PDPK1: variants seen among roughly 807,000 people sequenced by gnomAD.
PDPK1 encodes 3-phosphoinositide-dependent protein kinase 1.
PDPK1 carries 7 observed loss-of-function variants against 39.8 expected under a neutral mutation model. That is an observed-to-expected ratio of 0.18 (90% CI 0.10 to 0.33). The LOEUF (loss-of-function observed/expected upper bound fraction) is 0.33. Ranked by LOEUF, PDPK1 falls within the 10% of genes least tolerant of loss-of-function variation. The pLI is 1.00. For synonymous variants in PDPK1, 118 were observed against 159.1 expected (o/e 0.74, Z 1.95); for missense variants, 182 against 384.7 (o/e 0.47, Z 4.41).
chr16:2,546,626 G>A (rs536546144), intron 1 of PDPK1, among the ~76,000 whole-genome samples: 8 of 152,316 alleles, frequency 5.3e-5, no homozygotes, highest in African/African-American at 1.7e-4. Context: ...CACCGTGCCC[G>A]GCCTTCCTTA....
chr16:2,595,470 A>G (rs1487458968), intron 11 of PDPK1, among the ~76,000 whole-genome samples: 2 of 152,206 alleles, frequency 1.3e-5, no homozygotes, highest in East Asian at 1.9e-4. Flanking sequence ...TAAGGCAGCA[A>G]TGACCTGTGT....
At chr16:2,551,622 A>C (rs2066410200) in intron 1 of PDPK1, among the ~76,000 whole-genome samples, 1 of 150,180 alleles carries the variant, frequency 6.7e-6, no homozygotes, top group Admixed American at 6.8e-5. Flanking sequence ...CATCTGCGTG[A>C]CAGCATCTTG....
At chr16:2,538,807 C>T (rs772446632) in intron 1 of PDPK1, 3 of 1,248,870 alleles carry the variant, frequency 2.4e-6, no homozygotes, top group South Asian at 2.6e-5. Flanking sequence ...CAAAACAAAC[C>T]ACTTGTTGGG....
At chr16:2,539,398 G>C (rs1324334551) in intron 1 of PDPK1, 1 of 152,254 alleles carries the variant, frequency 6.6e-6, no homozygotes, top group Non-Finnish European at 1.5e-5. Context: ...TTTTTGATAG[G>C]CGTTCTTGAT....
At chr16:2,592,398 T>C (rs944411464) in intron 11 of PDPK1, 1 of 275,300 alleles carries the variant, frequency 3.6e-6, no homozygotes, top group Non-Finnish European at 7.1e-6. Context: ...TCTTCAGCTC[T>C]TGCCCAGCCT....
At position 2,585,805 on chromosome 16, in the gene PDPK1, C is replaced by T. The variant is rs114250266; in HGVS notation, c.1126-871C>T. 3.9e-3 allele frequency among the ~76,000 whole-genome samples: 599 copies of T among 152,324 alleles called. 1 individual carries two copies. The highest frequency in any genetic ancestry group is 0.014 in the African/African-American group (570 of 41,578). On this transcript the variant is annotated intron_variant, in intron 10 of 13. Coordinates refer to ENST00000342085, the MANE Select transcript of PDPK1 (RefSeq NM_002613.5). Reference sequence around the variant, plus strand: ...TGTAGGAGTGTGAACACATGGGGGACGCTGCATGTGTGGATGGTTGCGTGG... The same window carrying T: ...TGTAGGAGTGTGAACACATGGGGGATGCTGCATGTGTGGATGGTTGCGTGG...
chr16:2,538,465 C>T (rs1443707513), intron 1 of PDPK1: 13 of 464,002 alleles, frequency 2.8e-5, no homozygotes, highest in Admixed American at 2.7e-4. Context: ...CAGCCTGGAG[C>T]CGAGCCTCCA....
intron 1 of PDPK1, among the ~76,000 whole-genome samples, chr16:2,553,324 G>A (rs1304672761): frequency 2.9e-5 from 4 of 139,458 alleles, no homozygotes; most frequent in Non-Finnish European, 4.6e-5. Flanking sequence ...GCACACCACC[G>A]TGCCTGGCTC....
At position 2,600,343 on chromosome 16, in the gene PDPK1, T is replaced by C. The variant is rs969941323; in HGVS notation, c.*2576T>C. On this transcript the variant is annotated 3_prime_UTR_variant, in exon 14 of 14. Transcript: ENST00000342085. Reference sequence around the variant, plus strand: ...GACAGGTGGAATGTCGGGACCACACTGTGCGGCTTCTCGGCACAAAGCGGA... The same window carrying C: ...GACAGGTGGAATGTCGGGACCACACCGTGCGGCTTCTCGGCACAAAGCGGA... The C allele has an allele frequency of 4.3e-6, 1 of 233,154 alleles. No homozygotes were observed. Among genetic ancestry groups the C allele is most frequent in the African/African-American group, 2.2e-5 (1 of 45,270 alleles). The allele number at this position is 233,154 out of a possible 1,614,324, so 14.4% of individuals were successfully genotyped here. A position where few individuals can be genotyped will look rare whatever the true frequency, so the allele number is the denominator to read the frequency against.
chr16:2,586,780 C>T lies in PDPK1; in HGVS notation c.1230C>T (p.Ser410=), dbSNP rs747123753. The change falls in exon 11 of 14, where the codon AGC becomes AGT. Residue 410 remains serine (S), a synonymous_variant. Transcript: ENST00000342085. ...SDTGLPQRSG[S]NIEQYIHDLD... The stretch of plus-strand genomic sequence containing the variant: ...CGGGCCTGCCCCAGAGGTCAGGCAG[C>T]AACATAGAGCAGTACATTCACGATC... 4 of 1,614,104 alleles carry T rather than the reference C, an allele frequency of 2.5e-6. No individual in the cohort carries two copies. In the African/African-American group the frequency reaches 4.0e-5, roughly 16 times the overall value.
chr16:2,593,224 T>G lies in PDPK1; in HGVS notation c.1344-2569T>G. ...TTCATTTAGGGCCATTGAGAGTTTC[T>G]TGTGTCACTGAATTCCTCTTCTGGG... On this transcript the variant is annotated intron_variant, in intron 11 of 13. Transcript: ENST00000342085. The surrounding 1 kb of genome is among the most constrained non-coding windows in gnomAD (Gnocchi z 4.2). 2.6e-6 allele frequency: 1 copy of G among 377,838 alleles called. No individual in the cohort carries two copies. The highest frequency in any genetic ancestry group is 5.2e-6 in the Non-Finnish European group (1 of 192,972). The allele number at this position is 377,838 out of a possible 1,614,324, so 23.4% of individuals were successfully genotyped here.
chr16:2,598,170 C>G lies in PDPK1; in HGVS notation c.*403C>G, dbSNP rs956707820. On this transcript the variant is annotated 3_prime_UTR_variant, in exon 14 of 14. Transcript: ENST00000342085. The stretch of plus-strand genomic sequence containing the variant: ...AACTGTGTGCTGGTCCTGCTGTGGC[C>G]GAGGGGACCGGGTGTGTTTGGCTCT... 2 of 247,666 alleles carry G rather than the reference C, an allele frequency of 8.1e-6. No homozygotes were observed. Among genetic ancestry groups the G allele is most frequent in the Non-Finnish European group, 1.6e-5 (2 of 127,668 alleles). The allele number at this position is 247,666 out of a possible 1,614,324, so 15.3% of individuals were successfully genotyped here.
Position 2,597,625 on chromosome 16 carries a change from A to G in PDPK1, c.1555-26A>G. ...GGGTTTTGGTGGGACTCCCTGGAGAACACTAAACGGCTTCTGTCTTCGCAG... is the reference window on the plus strand; with the variant it reads ...GGGTTTTGGTGGGACTCCCTGGAGAGCACTAAACGGCTTCTGTCTTCGCAG... On this transcript the variant is annotated intron_variant, in intron 13 of 13. Coordinates refer to ENST00000342085, the MANE Select transcript of PDPK1 (RefSeq NM_002613.5). This position sits in a 1 kb window ranked among gnomAD's most constrained non-coding sequence, Gnocchi z 6.3. 6.5e-7 allele frequency: 1 copy of G among 1,531,984 alleles called. No individual in the cohort carries two copies. Among genetic ancestry groups the G allele is most frequent in the Non-Finnish European group, 9.0e-7 (1 of 1,105,270 alleles). The allele number at this position is 1,531,984 out of a possible 1,614,324, so 94.9% of individuals were successfully genotyped here.
chr16:2,601,804 C>T lies in PDPK1; in HGVS notation c.*4037C>T, dbSNP rs1027807289. 9 of 224,054 alleles carry T rather than the reference C, an allele frequency of 4.0e-5. No homozygotes were observed. The highest frequency in any genetic ancestry group is 2.0e-4 in the African/African-American group (9 of 43,930). The allele number at this position is 224,054 out of a possible 1,614,324, so 13.9% of individuals were successfully genotyped here. ...TGTCCCAGCTGGTGTAGATTTCAGG[C>T]CGCCCCCCCCAACTCCCTGCCCACA... On this transcript the variant is annotated 3_prime_UTR_variant, in exon 14 of 14. Transcript: ENST00000342085.
chr16:2,598,932 G>T lies in PDPK1; in HGVS notation c.*1165G>T, dbSNP rs74003037. ...AATCTCACAGCCTTCTCATGCTGCC[G>T]GCTCATCTGGGCCCATAGAGTGGGC... On this transcript the variant is annotated 3_prime_UTR_variant, in exon 14 of 14. Coordinates refer to ENST00000342085, the MANE Select transcript of PDPK1 (RefSeq NM_002613.5). 4.3e-6 allele frequency: 1 copy of T among 233,178 alleles called. No individual in the cohort carries two copies. The highest frequency in any genetic ancestry group is 8.5e-6 in the Non-Finnish European group (1 of 118,066). The allele number at this position is 233,178 out of a possible 1,614,324, so 14.4% of individuals were successfully genotyped here.
Position 2,598,991 on chromosome 16 carries a change from A to G in PDPK1, c.*1224A>G, listed in dbSNP as rs998319865. On this transcript the variant is annotated 3_prime_UTR_variant, in exon 14 of 14. Coordinates refer to ENST00000342085, the MANE Select transcript of PDPK1 (RefSeq NM_002613.5). Reference sequence around the variant, plus strand: ...TTGCTGTTGCACAGGAGGCGAGAACAGCACACTTCAACCCCAGCTTGCTGG... The same window carrying G: ...TTGCTGTTGCACAGGAGGCGAGAACGGCACACTTCAACCCCAGCTTGCTGG... The G allele has an allele frequency of 6.0e-5, 14 of 233,226 alleles. No homozygotes were observed. Among genetic ancestry groups the G allele is most frequent in the Non-Finnish European group, 1.1e-4 (13 of 118,084 alleles). 14.4% of individuals were successfully genotyped at this position (233,226 alleles called of 1,614,324 possible).
intron 10 of PDPK1, among the ~76,000 whole-genome samples, chr16:2,585,852 C>A (rs1007618717): frequency 3.9e-5 from 6 of 152,224 alleles, no homozygotes; most frequent in Non-Finnish European, 8.8e-5. Context: ...GGGCCTGCGT[C>A]TGGAGGCACG....
intron 1 of PDPK1, among the ~76,000 whole-genome samples, chr16:2,542,446 G>T (rs142672819): frequency 0.021 from 3,125 of 148,514 alleles, 117 homozygotes; most frequent in African/African-American, 0.074. Context: ...GGCATGAGCC[G>T]CCGCACCCAG....
At position 2,598,171 on chromosome 16, in the gene PDPK1, G is replaced by A. The variant is rs988114208; in HGVS notation, c.*404G>A. 2.0e-5 allele frequency: 5 copies of A among 248,606 alleles called. No individual in the cohort carries two copies. Among genetic ancestry groups the A allele is most frequent in the Non-Finnish European group, 3.9e-5 (5 of 128,260 alleles). 15.4% of individuals were successfully genotyped at this position (248,606 alleles called of 1,614,324 possible). A position where few individuals can be genotyped will look rare whatever the true frequency, so the allele number is the denominator to read the frequency against. On this transcript the variant is annotated 3_prime_UTR_variant, in exon 14 of 14. Transcript: ENST00000342085. ...ACTGTGTGCTGGTCCTGCTGTGGCC[G>A]AGGGGACCGGGTGTGTTTGGCTCTT...
Sources: gnomAD v4.1 joint callset for allele counts (sites outside exome capture counted in the v4.1 genomes callset) on GRCh38, gnomAD v4.1.1 for gene constraint, Gnocchi (gnomAD v3.1) non-coding constraint, MANE v1.5 for transcripts, NCBI Gene and HGNC (gene_info 2026-07-23, HGNC 2026-07-21) for gene names.